Variants in PLCXD3 observed in about 807,000 individuals in gnomAD.
PLCXD3 encodes the protein phosphatidylinositol specific phospholipase C X domain containing 3.
Under a neutral mutation model 25.5 loss-of-function variants are expected in PLCXD3, and 19 were observed. The observed-to-expected ratio is 0.75, with a 90% CI of 0.52 to 1.09. The LOEUF (loss-of-function observed/expected upper bound fraction) is 1.09. PLCXD3 is among the 50% of genes least tolerant of loss of function. The pLI, the probability that PLCXD3 is intolerant of heterozygous loss-of-function variation, is 0.00. For missense variants in PLCXD3, 411 were observed against 388.1 expected, an observed-to-expected ratio of 1.06 and a Z score of -0.50; for synonymous variants, 174 against 137.6, an observed-to-expected ratio of 1.26 and a Z score of -1.85.
chr5:41,324,988 CT>C (rs1743584719), intron 2 of PLCXD3, among the ~76,000 whole-genome samples: 2 of 152,100 alleles, frequency 1.3e-5, no homozygotes, highest in African/African-American at 4.8e-5. Flanking sequence ...GTCTCAGAAC[CT>C]TGATTATCAC....
chr5:41,471,765 C>A (rs544934820), intron 1 of PLCXD3, among the ~76,000 whole-genome samples: 1 of 147,036 alleles, frequency 6.8e-6, no homozygotes, highest in Non-Finnish European at 1.5e-5. Flanking sequence ...ATAATAACTA[C>A]AACATCTTTT....
chr5:41,342,745 A>G (rs1744186767), intron 2 of PLCXD3, among the ~76,000 whole-genome samples: 1 of 152,160 alleles, frequency 6.6e-6, no homozygotes, highest in Non-Finnish European at 1.5e-5. Flanking sequence ...ATGCAGCATA[A>G]AATATTAGTA....
intron 2 of PLCXD3, among the ~76,000 whole-genome samples, chr5:41,367,135 A>G (rs927509116): frequency 6.6e-6 from 1 of 152,138 alleles, no homozygotes; most frequent in Admixed American, 6.5e-5. Context: ...AATGATTTAT[A>G]TTCTTTTGGG....
intron 1 of PLCXD3, among the ~76,000 whole-genome samples, chr5:41,427,050 C>T (rs1746975165): frequency 6.6e-6 from 1 of 151,900 alleles, no homozygotes; most frequent in African/African-American, 2.4e-5. Flanking sequence ...AAGACTTTTC[C>T]CTTTGCTGAT....
At chr5:41,479,289 T>C (rs976105693) in intron 1 of PLCXD3, among the ~76,000 whole-genome samples, 9 of 152,140 alleles carry the variant, frequency 5.9e-5, no homozygotes, top group African/African-American at 2.2e-4. Flanking sequence ...ATCAAATTTA[T>C]AGAGCCAGAA....
At chr5:41,339,984 C>T (rs1474227835) in intron 2 of PLCXD3, among the ~76,000 whole-genome samples, 1 of 152,122 alleles carries the variant, frequency 6.6e-6, no homozygotes, top group Non-Finnish European at 1.5e-5. Flanking sequence ...AGCCTTCAGT[C>T]AGAAACATGG....
At chr5:41,418,218 A>G (rs1359471207) in intron 1 of PLCXD3, among the ~76,000 whole-genome samples, 2 of 152,208 alleles carry the variant, frequency 1.3e-5, no homozygotes, top group Non-Finnish European at 2.9e-5. Flanking sequence ...AGAGGAAGAA[A>G]TTATTTTCAT....
intron 1 of PLCXD3, among the ~76,000 whole-genome samples, chr5:41,477,944 CAGG>C (rs1332500210): frequency 1.3e-5 from 2 of 152,124 alleles, no homozygotes; most frequent in African/African-American, 4.8e-5. Context: ...AAGACTCTGC[CAGG>C]AGTAGAGATT....
Position 41,451,345 on chromosome 5 carries a change from G to A in PLCXD3, c.103+59079C>T, listed in dbSNP as rs79993711. ...GAATATTTGTCATAAGATGGTATTTGAGGAATATTTTAAAAGATCTCTGCT... is the reference window on the plus strand; with the variant it reads ...GAATATTTGTCATAAGATGGTATTTAAGGAATATTTTAAAAGATCTCTGCT... On this transcript the variant is annotated intron_variant, in intron 1 of 2. Transcript: ENST00000377801. Among the ~76,000 whole-genome samples, 121 of 152,106 alleles carry A rather than the reference G, an allele frequency of 8.0e-4. No individual in the cohort carries two copies. In the East Asian group the frequency reaches 0.011, roughly 13 times the overall value.
intron 1 of PLCXD3, among the ~76,000 whole-genome samples, chr5:41,392,111 C>T (rs115736196): frequency 0.014 from 2,092 of 152,290 alleles, 51 homozygotes; most frequent in African/African-American, 0.048. Context: ...TGGACCTACC[C>T]AAGGCCTGGG....
intron 1 of PLCXD3, among the ~76,000 whole-genome samples, chr5:41,434,264 C>A (rs1747183601): frequency 6.6e-6 from 1 of 152,210 alleles, no homozygotes; most frequent in Non-Finnish European, 1.5e-5. Context: ...AGTCACTTGA[C>A]CTCTCATTCA....
intron 2 of PLCXD3, among the ~76,000 whole-genome samples, chr5:41,339,554 G>A (rs1397781105): frequency 2.0e-5 from 3 of 152,018 alleles, no homozygotes; most frequent in Admixed American, 2.0e-4. Flanking sequence ...ACAGAAGCAG[G>A]GTTTCCAGGG....
At chr5:41,384,248 T>C (rs2150493697) in intron 1 of PLCXD3, among the ~76,000 whole-genome samples, 1 of 152,232 alleles carries the variant, frequency 6.6e-6, no homozygotes, top group East Asian at 1.9e-4. Flanking sequence ...GATTGGCAAA[T>C]TTTAATAAGC....
chr5:41,393,933 AAG>A (rs1745918624), intron 1 of PLCXD3, among the ~76,000 whole-genome samples: 1 of 152,148 alleles, frequency 6.6e-6, no homozygotes, highest in South Asian at 2.1e-4. Flanking sequence ...CCATCAAAAA[AAG>A]AAAAAAAACA....
At chr5:41,415,895 G>A (rs1009057632) in intron 1 of PLCXD3, among the ~76,000 whole-genome samples, 2 of 152,134 alleles carry the variant, frequency 1.3e-5, no homozygotes, top group Admixed American at 6.5e-5. Flanking sequence ...GTGTGGATAG[G>A]ATGTAGGGAA....
chr5:41,319,077 T>C (rs2150469033), intron 2 of PLCXD3, among the ~76,000 whole-genome samples: 1 of 152,172 alleles, frequency 6.6e-6, no homozygotes, highest in Admixed American at 6.5e-5. Context: ...CAATTGTAAA[T>C]ATATATGCAG....
chr5:41,428,857 A>G (rs900970734), intron 1 of PLCXD3, among the ~76,000 whole-genome samples: 6 of 152,306 alleles, frequency 3.9e-5, no homozygotes, highest in Admixed American at 2.6e-4. Context: ...TGGTTTAACA[A>G]AATAGTTTCA....
At chr5:41,416,021 G>A (rs1746684379) in intron 1 of PLCXD3, among the ~76,000 whole-genome samples, 1 of 152,190 alleles carries the variant, frequency 6.6e-6, no homozygotes, top group Non-Finnish European at 1.5e-5. Flanking sequence ...TAATGAAGAT[G>A]CCTTGAGAGG....
intron 1 of PLCXD3, among the ~76,000 whole-genome samples, chr5:41,506,736 T>A (rs962587400): frequency 9.2e-5 from 14 of 152,222 alleles, no homozygotes; most frequent in Admixed American, 9.2e-4. Context: ...TTAGCTTCCC[T>A]TAGTGAACCT....
Sources: allele counts gnomAD v4.1 joint callset (sites outside exome capture counted in the v4.1 genomes callset), GRCh38; gene constraint gnomAD v4.1.1; transcripts MANE v1.5; gene names NCBI Gene and HGNC (gene_info 2026-07-23, HGNC 2026-07-21).